SPAG16: variants seen among roughly 807,000 people sequenced by gnomAD.
SPAG16 encodes the protein sperm associated antigen 16.
Under a neutral mutation model 80.4 loss-of-function variants are expected in SPAG16, and 86 were observed. The ratio of observed to expected loss-of-function variants is 1.07; its 90% CI spans 0.90 to 1.28. The LOEUF (loss-of-function observed/expected upper bound fraction) is 1.28, where lower values mean the gene tolerates loss of function less well. Ranked by LOEUF, SPAG16 falls within the 50% of genes most tolerant of loss-of-function variation. The pLI is 0.00. For synonymous variants in SPAG16, 294 were observed against 265.9 expected (o/e 1.11, Z -1.03); for missense variants, 870 against 765.3 (o/e 1.14, Z -1.61).
At chr2:213,752,071 C>A (rs960678510) in intron 10 of SPAG16, among the ~76,000 whole-genome samples, 1 of 152,136 alleles carries the variant, frequency 6.6e-6, no homozygotes, top group Admixed American at 6.5e-5. Context: ...TAGCTAGAAA[C>A]AATTGCTTTT....
intron 11 of SPAG16, among the ~76,000 whole-genome samples, chr2:213,873,603 T>G (rs1347480196): frequency 1.3e-5 from 2 of 152,060 alleles, no homozygotes; most frequent in Admixed American, 1.3e-4. Context: ...ATATTTGTTC[T>G]TTTTAAATGT....
At chr2:214,338,254 G>A (rs1408980161) in intron 15 of SPAG16, among the ~76,000 whole-genome samples, 6 of 152,086 alleles carry the variant, frequency 3.9e-5, no homozygotes, top group Non-Finnish European at 5.9e-5. Flanking sequence ...GGTGGCTCAC[G>A]CCTGTAATCC....
At chr2:214,056,706 C>T (rs1250233233) in intron 13 of SPAG16, among the ~76,000 whole-genome samples, 4 of 152,110 alleles carry the variant, frequency 2.6e-5, no homozygotes, top group Non-Finnish European at 4.4e-5. Flanking sequence ...CATAGACTGA[C>T]TCTTTGATAA....
chr2:213,494,499 G>A (rs1002405450), intron 10 of SPAG16, among the ~76,000 whole-genome samples: 1 of 152,062 alleles, frequency 6.6e-6, no homozygotes, highest in Non-Finnish European at 1.5e-5. Flanking sequence ...AAATCTACCA[G>A]AAAGTCTGAT....
At chr2:213,979,625 G>A (rs2106408969) in intron 12 of SPAG16, among the ~76,000 whole-genome samples, 1 of 152,042 alleles carries the variant, frequency 6.6e-6, no homozygotes, top group South Asian at 2.1e-4. Flanking sequence ...AACAGCATGG[G>A]GGAAACCGCC....
chr2:213,805,888 G>C (rs2071737275), intron 10 of SPAG16, among the ~76,000 whole-genome samples: 1 of 152,180 alleles, frequency 6.6e-6, no homozygotes, highest in Admixed American at 6.5e-5. Flanking sequence ...AAAAAGCCAA[G>C]TTGTAGGCAG....
Position 213,652,945 on chromosome 2 carries a change from C to T in SPAG16, c.1070+162855C>T, listed in dbSNP as rs928274520. On this transcript the variant is annotated intron_variant, in intron 10 of 15. Transcript: ENST00000331683. ...GCTCTTGGTCCCAAAGATTATCTCCCGTGTTTCTTCTAAAAGTTTTATTGT... is the reference window on the plus strand; with the variant it reads ...GCTCTTGGTCCCAAAGATTATCTCCTGTGTTTCTTCTAAAAGTTTTATTGT... Among the ~76,000 whole-genome samples, 4 of 152,200 alleles carry T rather than the reference C, an allele frequency of 2.6e-5. No homozygotes were observed. The South Asian group carries it at 6.2e-4, about 24-fold the overall frequency.
chr2:213,830,742 G>A (rs552646128), intron 10 of SPAG16, among the ~76,000 whole-genome samples: 1 of 152,184 alleles, frequency 6.6e-6, no homozygotes, highest in African/African-American at 2.4e-5. Context: ...AGTACTCCCT[G>A]AATCTCATTT....
intron 10 of SPAG16, among the ~76,000 whole-genome samples, chr2:213,620,299 T>G (rs1045970571): frequency 5.2e-5 from 7 of 134,290 alleles, no homozygotes; most frequent in Admixed American, 1.5e-4. Flanking sequence ...TTTTTTTTTT[T>G]TTTTTTTTTT....
chr2:213,918,793 G>T (rs911362199), intron 11 of SPAG16, among the ~76,000 whole-genome samples: 11 of 152,032 alleles, frequency 7.2e-5, no homozygotes, highest in Non-Finnish European at 1.5e-4. Context: ...TTTTATTACT[G>T]ATTCAGTTTT....
intron 10 of SPAG16, among the ~76,000 whole-genome samples, chr2:213,532,277 TTTAGAAAACATTTA>T (rs1435145499): frequency 8.5e-5 from 13 of 152,302 alleles, no homozygotes; most frequent in African/African-American, 2.6e-4. Context: ...CAAAACAATC[TTTAGAAAACATTTA>T]TTGTCACACT....
chr2:213,810,007 G>A (rs1168663735), intron 10 of SPAG16, among the ~76,000 whole-genome samples: 1 of 152,128 alleles, frequency 6.6e-6, no homozygotes, highest in Non-Finnish European at 1.5e-5. Context: ...CGTACGAAAA[G>A]GATAGAAGCC....
At chr2:214,038,265 G>C (rs1268514084) in intron 13 of SPAG16, among the ~76,000 whole-genome samples, 1 of 151,892 alleles carries the variant, frequency 6.6e-6, no homozygotes, top group Non-Finnish European at 1.5e-5. Flanking sequence ...TTTTGCTTTT[G>C]TTTTAACATG....
At chr2:214,167,053 T>C (rs568287917) in intron 15 of SPAG16, among the ~76,000 whole-genome samples, 4 of 152,260 alleles carry the variant, frequency 2.6e-5, no homozygotes, top group Non-Finnish European at 5.9e-5. Context: ...TGAAGCCAAG[T>C]GAAAGTTAGC....
At chr2:214,057,183 T>C (rs1004022701) in intron 13 of SPAG16, among the ~76,000 whole-genome samples, 1 of 122,412 alleles carries the variant, frequency 8.2e-6, no homozygotes, top group Non-Finnish European at 1.7e-5. Flanking sequence ...GTTTACTTTT[T>C]TTTTTTTTTT....
At chr2:214,303,488 A>T (rs956138593) in intron 15 of SPAG16, among the ~76,000 whole-genome samples, 2 of 152,220 alleles carry the variant, frequency 1.3e-5, no homozygotes, top group African/African-American at 4.8e-5. Context: ...TTAGAAATGC[A>T]TACTTATTCT....
At chr2:213,662,287 G>A (rs545038122) in intron 10 of SPAG16, among the ~76,000 whole-genome samples, 2 of 152,216 alleles carry the variant, frequency 1.3e-5, no homozygotes, top group African/African-American at 4.8e-5. Flanking sequence ...GGTAGCTTAA[G>A]ACTTCTCTAA....
chr2:213,594,055 G>A (rs757398126), intron 10 of SPAG16, among the ~76,000 whole-genome samples: 43 of 151,846 alleles, frequency 2.8e-4, no homozygotes, highest in African/African-American at 8.7e-4. Flanking sequence ...GATTACAGGC[G>A]TGAGCCACCG....
chr2:213,556,817 C>T (rs1462295191), intron 10 of SPAG16, among the ~76,000 whole-genome samples: 3 of 152,138 alleles, frequency 2.0e-5, no homozygotes, highest in African/African-American at 4.8e-5. Flanking sequence ...GAACATGGAA[C>T]ATTCCCCAGG....
Sources: gnomAD v4.1 joint callset for allele counts (sites outside exome capture counted in the v4.1 genomes callset) on GRCh38, gnomAD v4.1.1 for gene constraint, MANE v1.5 for transcripts, NCBI Gene and HGNC (gene_info 2026-07-23, HGNC 2026-07-21) for gene names.